Variants in EDIL3 observed in about 807,000 individuals in gnomAD.
The protein encoded by EDIL3 is EGF-like repeat and discoidin I-like domain-containing protein 3.
Under a neutral mutation model 67.4 loss-of-function variants are expected in EDIL3, and 37 were observed. The observed-to-expected ratio is 0.55, with a 90% CI of 0.42 to 0.72. EDIL3 has a LOEUF of 0.72. Ranked by LOEUF, EDIL3 falls within the 30% of genes least tolerant of loss-of-function variation. EDIL3 has a pLI of 0.00. For missense variants in EDIL3, 527 were observed against 586.3 expected, an observed-to-expected ratio of 0.90 and a Z score of 1.04; for synonymous variants, 195 against 196.3, an observed-to-expected ratio of 0.99 and a Z score of 0.05.
At chr5:84,217,762 A>C (rs1744260204) in intron 3 of EDIL3, among the ~76,000 whole-genome samples, 1 of 149,136 alleles carries the variant, frequency 6.7e-6, no homozygotes, top group South Asian at 2.1e-4. Flanking sequence ...ACACACACAC[A>C]CATCCTTCTG....
intron 9 of EDIL3, among the ~76,000 whole-genome samples, chr5:83,993,260 C>T (rs953407633): frequency 1.7e-4 from 26 of 152,184 alleles, no homozygotes; most frequent in African/African-American, 6.3e-4. Flanking sequence ...GCACCCTCGA[C>T]CTCCTCGGCT....
chr5:84,237,144 T>C (rs1007807198), intron 2 of EDIL3, among the ~76,000 whole-genome samples: 1 of 152,140 alleles, frequency 6.6e-6, no homozygotes, highest in Admixed American at 6.6e-5. Flanking sequence ...CTTTATGTTC[T>C]ATGGATTTCT....
intron 6 of EDIL3, among the ~76,000 whole-genome samples, chr5:84,069,550 GT>G (rs1746698487): frequency 6.6e-6 from 1 of 151,842 alleles, no homozygotes; most frequent in Non-Finnish European, 1.5e-5. Context: ...TTTATTTTAA[GT>G]TTTTGGTTTT....
chr5:84,259,971 A>G (rs901067424), intron 1 of EDIL3, among the ~76,000 whole-genome samples: 1 of 152,210 alleles, frequency 6.6e-6, no homozygotes, highest in Non-Finnish European at 1.5e-5. Flanking sequence ...TACAAAGAAG[A>G]AAATTCTATG....
intron 1 of EDIL3, among the ~76,000 whole-genome samples, chr5:84,354,793 A>C (rs1188180104): frequency 6.6e-6 from 1 of 152,214 alleles, no homozygotes; most frequent in East Asian, 1.9e-4. Flanking sequence ...GACATCTTAC[A>C]CAATTTTTAT....
chr5:84,237,987 C>T (rs555187119), intron 2 of EDIL3, among the ~76,000 whole-genome samples: 2 of 152,236 alleles, frequency 1.3e-5, no homozygotes, highest in East Asian at 1.9e-4. Flanking sequence ...TACTGGTTTC[C>T]CTGCCCATCA....
intron 10 of EDIL3, 120 bp downstream of exon 10, chr5:83,963,085 T>C (rs1744631537): frequency 3.2e-6 from 4 of 1,239,358 alleles, no homozygotes; most frequent in East Asian, 2.7e-5. Flanking sequence ...ATTTAACATA[T>C]ATTTTCAGTA....
intron 9 of EDIL3, among the ~76,000 whole-genome samples, chr5:84,014,091 T>C (rs1296569719): frequency 6.6e-6 from 1 of 152,190 alleles, no homozygotes; most frequent in African/African-American, 2.4e-5. Flanking sequence ...ATGATATTAA[T>C]GTTTTATTCA....
chr5:83,955,897 A>C (rs2112122090), intron 10 of EDIL3, among the ~76,000 whole-genome samples: 1 of 151,972 alleles, frequency 6.6e-6, no homozygotes. Context: ...GACAGTGTTT[A>C]ATATTAGAAA....
At chr5:84,165,492 T>A (rs1748689283) in intron 4 of EDIL3, among the ~76,000 whole-genome samples, 1 of 152,172 alleles carries the variant, frequency 6.6e-6, no homozygotes, top group Non-Finnish European at 1.5e-5. Context: ...TGCTAGCTCC[T>A]GCCTTCCAAT....
intron 2 of EDIL3, among the ~76,000 whole-genome samples, chr5:84,251,095 A>ATTTATT (rs1328114210): frequency 6.6e-6 from 1 of 151,992 alleles, no homozygotes; most frequent in African/African-American, 2.4e-5. Context: ...TGGCCAAGCC[A>ATTTATT]TTTATTTTTA....
intron 1 of EDIL3, 146 bp downstream of exon 1, chr5:84,384,162 C>A: frequency 1.0e-6 from 1 of 977,436 alleles, no homozygotes. Flanking sequence ...TCTCGGGGCA[C>A]CCAGGACTCG....
intron 6 of EDIL3, among the ~76,000 whole-genome samples, chr5:84,094,483 A>G (rs1747225385): frequency 6.6e-6 from 1 of 152,176 alleles, no homozygotes; most frequent in African/African-American, 2.4e-5. Flanking sequence ...TATGTAATTC[A>G]GCTTCTGTAA....
chr5:84,369,567 GT>G (rs1262347265), intron 1 of EDIL3, among the ~76,000 whole-genome samples: 2 of 152,038 alleles, frequency 1.3e-5, no homozygotes, highest in Non-Finnish European at 2.9e-5. Context: ...TAGGATGGTG[GT>G]TGTCAGGGGC....
chr5:84,352,324 C>T (rs116680989), intron 1 of EDIL3, among the ~76,000 whole-genome samples: 2,471 of 152,194 alleles, frequency 0.016, 29 homozygotes, highest in Non-Finnish European at 0.022. Flanking sequence ...ACCAAAAAGA[C>T]ATCTGCCCTG....
chr5:84,038,178 C>T (rs1746058359), intron 9 of EDIL3, among the ~76,000 whole-genome samples: 1 of 151,552 alleles, frequency 6.6e-6, no homozygotes, highest in African/African-American at 2.4e-5. Flanking sequence ...ATGGAATTCT[C>T]TTCTCCATTT....
intron 1 of EDIL3, among the ~76,000 whole-genome samples, chr5:84,259,839 C>G (rs537496156): frequency 2.6e-5 from 4 of 152,238 alleles, no homozygotes; most frequent in Admixed American, 1.3e-4. Context: ...CTATAAAATA[C>G]TACTTGGTAT....
chr5:84,080,321 C>T (rs1220185187), intron 6 of EDIL3, among the ~76,000 whole-genome samples: 2 of 87,332 alleles, frequency 2.3e-5, no homozygotes, highest in Non-Finnish European at 4.8e-5. Flanking sequence ...AAAAAATTAA[C>T]TCAAATATAA....
chr5:84,122,580 T>A (rs1187553479), intron 5 of EDIL3, among the ~76,000 whole-genome samples: 4 of 151,872 alleles, frequency 2.6e-5, no homozygotes, highest in Non-Finnish European at 4.4e-5. Context: ...TCCCCTAAAG[T>A]CTTACAGCCA....
Sources: gnomAD v4.1 joint callset for allele counts (sites outside exome capture counted in the v4.1 genomes callset) on GRCh38, gnomAD v4.1.1 for gene constraint, MANE v1.5 for transcripts, NCBI Gene and HGNC (gene_info 2026-07-23, HGNC 2026-07-21) for gene names.